Variants in ZC3HC1 observed in about 807,000 individuals in gnomAD.
ZC3HC1 encodes zinc finger C3HC-type containing 1, also known as zinc finger C3HC-type protein 1.
Under a neutral mutation model 61.9 loss-of-function variants are expected in ZC3HC1, and 38 were observed. The observed-to-expected ratio is 0.61, with a 90% CI of 0.47 to 0.81. The LOEUF (loss-of-function observed/expected upper bound fraction) is 0.81. Ranked by LOEUF, ZC3HC1 falls within the 30% of genes least tolerant of loss-of-function variation. The probability of loss-of-function intolerance (pLI) is 0.00; values close to 1 mark genes in which losing one functional copy is unlikely to be tolerated. For missense variants in ZC3HC1, 554 were observed against 622.7 expected, an observed-to-expected ratio of 0.89 and a Z score of 1.17; for synonymous variants, 213 against 229.9, an observed-to-expected ratio of 0.93 and a Z score of 0.67.
chr7:130,048,143 GTTTTTTTTTTTTT>G (rs11364921), intron 2 of ZC3HC1, among the ~76,000 whole-genome samples: 7 of 73,748 alleles, frequency 9.5e-5, no homozygotes, highest in Non-Finnish European at 1.2e-4. Flanking sequence ...TTTCCTAGTT[GTTTTTTTTTTTTT>G]TTTTTTTTTT....
chr7:130,050,703 C>T (rs1243413479), intron 1 of ZC3HC1, among the ~76,000 whole-genome samples: 1 of 152,136 alleles, frequency 6.6e-6, no homozygotes. Flanking sequence ...GTGCTCATCA[C>T]TACTTCAAAA....
At position 130,023,412 on chromosome 7, in the gene ZC3HC1, T is replaced by G. The variant is rs1442331132; in HGVS notation, c.1233+99A>C. On this transcript the variant is annotated intron_variant, in intron 8 of 9. Transcript: ENST00000358303. This position sits in a 1 kb window ranked among gnomAD's most constrained non-coding sequence, Gnocchi z 4.2. ...TATTCACATGGTCTACTTTTTGCAT[T>G]GGACCACGGAAGGGCTCCTGCCTGC... The G allele has an allele frequency of 8.6e-7, 1 of 1,168,400 alleles. No homozygotes were observed. 72.4% of individuals were successfully genotyped at this position (1,168,400 alleles called of 1,614,324 possible).
chr7:130,022,757 G>A (rs1584839173), intron 8 of ZC3HC1, among the ~76,000 whole-genome samples: 1 of 152,176 alleles, frequency 6.6e-6, no homozygotes, highest in East Asian at 1.9e-4. Flanking sequence ...CCAACCCCCA[G>A]GCCATGGATG....
rs1584601102 is a variant in ZC3HC1, at chr7:130,049,583, T to C, written c.147-439A>G. On this transcript the variant is annotated intron_variant, in intron 1 of 9. Coordinates refer to ENST00000358303, the MANE Select transcript of ZC3HC1 (RefSeq NM_016478.5). ...TTTTTGAGATGGAGTCTCGCTCTGT[T>C]GCCCAGGCTGGAGTGCAACGGTGCG... 1.3e-5 allele frequency among the ~76,000 whole-genome samples: 2 copies of C among 152,134 alleles called. 1 individual carries two copies. Among genetic ancestry groups the C allele is most frequent in the South Asian group, 4.2e-4 (2 of 4,816 alleles).
At position 130,023,511 on chromosome 7, in the gene ZC3HC1, C is replaced by A. The variant is rs760152931; in HGVS notation, c.1233G>T (p.Ser411=). 5.0e-6 allele frequency: 8 copies of A among 1,613,882 alleles called. No individual in the cohort carries two copies. The South Asian group carries it at 8.8e-5, about 18-fold the overall frequency. ...ACTGCTACATGCGAGGTGGACTCAC[C>A]GAACTGCTGGAGGAGCAGAGGCGAG... ...KRARLCSSSS[S]DTSSRSFFDP... is the part of the protein sequence containing the mutation. The change falls in exon 8 of 10, where the codon TCG becomes TCT. Residue 411 remains serine (S), a splice_region_variant and synonymous_variant. Coordinates refer to ENST00000358303, the MANE Select transcript of ZC3HC1 (RefSeq NM_016478.5). The surrounding 1 kb of genome is among the most constrained non-coding windows in gnomAD (Gnocchi z 4.2).
At position 130,024,287 on chromosome 7, in the gene ZC3HC1, G is replaced by A; in HGVS notation, c.996C>T (p.Ala332=). ...CCTGCTCTGAGCCTGGGGAGAAAGTGGCATCCTGGCTCCGGGTCATCATCC... is the reference window on the plus strand; with the variant it reads ...CCTGCTCTGAGCCTGGGGAGAAAGTAGCATCCTGGCTCCGGGTCATCATCC... ...PRRMMTRSQD[A]TFSPGSEQAE... The change falls in exon 7 of 10, where the codon GCC becomes GCT. Residue 332 remains alanine, a synonymous_variant. Coordinates refer to ENST00000358303, the MANE Select transcript of ZC3HC1 (RefSeq NM_016478.5). The A allele has an allele frequency of 1.2e-6, 2 of 1,611,458 alleles. No homozygotes were observed. Among genetic ancestry groups the A allele is most frequent in the Non-Finnish European group, 1.7e-6 (2 of 1,178,226 alleles).
At chr7:130,021,251 A>C (rs1793631603) in intron 9 of ZC3HC1, among the ~76,000 whole-genome samples, 1 of 152,160 alleles carries the variant, frequency 6.6e-6, no homozygotes, top group Non-Finnish European at 1.5e-5. Flanking sequence ...CTCCAGTGGA[A>C]TCCTGTAACC....
chr7:130,040,184 A>T (rs1794591164), intron 3 of ZC3HC1, among the ~76,000 whole-genome samples: 4 of 666 alleles, frequency 6.0e-3, no homozygotes, highest in East Asian at 0.5. Flanking sequence ...GCTTAGTTTA[A>T]AAAAAAAAAA....
intron 4 of ZC3HC1, among the ~76,000 whole-genome samples, chr7:130,038,837 G>A (rs985757762): frequency 7.2e-6 from 1 of 138,476 alleles, no homozygotes; most frequent in Non-Finnish European, 1.5e-5. Flanking sequence ...TGCAGCCTGG[G>A]TGAAAGAGCG....
At chr7:130,018,766 GT>G in intron 9 of ZC3HC1, 34 bp from the exon 10 acceptor site, 1 of 1,562,754 alleles carries the variant, frequency 6.4e-7, no homozygotes, top group Non-Finnish European at 8.8e-7. Flanking sequence ...TAGTGATTAC[GT>G]TCTTTTATAG....
At chr7:130,018,821 C>G (rs565176605) in intron 9 of ZC3HC1, 89 bp from the exon 10 acceptor site, 1 of 1,140,926 alleles carries the variant, frequency 8.8e-7, no homozygotes, top group African/African-American at 1.5e-5. Context: ...CTGGATATGT[C>G]TAGGACTAAG....
chr7:130,049,459 A>C (rs1036155823), intron 1 of ZC3HC1, among the ~76,000 whole-genome samples: 1 of 152,136 alleles, frequency 6.6e-6, no homozygotes, highest in Non-Finnish European at 1.5e-5. Context: ...ACTGTTCTCC[A>C]CAAGTATTTG....
At chr7:130,042,195 T>C (rs1794705192) in intron 2 of ZC3HC1, among the ~76,000 whole-genome samples, 1 of 150,562 alleles carries the variant, frequency 6.6e-6, no homozygotes, top group Non-Finnish European at 1.5e-5. Flanking sequence ...CTCAGCTAAT[T>C]GAGAGGCTGA....
At chr7:130,050,208 G>A (rs1392038570) in intron 1 of ZC3HC1, among the ~76,000 whole-genome samples, 2 of 152,264 alleles carry the variant, frequency 1.3e-5, no homozygotes, top group East Asian at 3.9e-4. Flanking sequence ...CTCCCGAGTA[G>A]CTGGGACTAC....
intron 3 of ZC3HC1, 122 bp from the exon 4 acceptor site, chr7:130,039,669 T>G (rs148549035): frequency 2.7e-5 from 18 of 666,012 alleles, no homozygotes; most frequent in Middle Eastern, 3.8e-4. Context: ...GAAAATATTA[T>G]CAAGTACATA....
intron 1 of ZC3HC1, chr7:130,050,545 A>C: frequency 7.2e-7 from 1 of 1,394,384 alleles, no homozygotes; most frequent in Non-Finnish European, 9.4e-7. Flanking sequence ...AATGACATTT[A>C]TTTCTCTCTA....
chr7:130,035,810 C>A (rs1484673747), intron 4 of ZC3HC1, among the ~76,000 whole-genome samples: 1 of 152,084 alleles, frequency 6.6e-6, no homozygotes, highest in Non-Finnish European at 1.5e-5. Context: ...GACTGTATTG[C>A]AGAATGTGGA....
At chr7:130,036,248 T>A (rs1173965730) in intron 4 of ZC3HC1, among the ~76,000 whole-genome samples, 2 of 152,050 alleles carry the variant, frequency 1.3e-5, no homozygotes, top group African/African-American at 4.8e-5. Context: ...CTGGGAGTGG[T>A]GGCTCACGCC....
intron 2 of ZC3HC1, among the ~76,000 whole-genome samples, chr7:130,046,750 T>C (rs998832883): frequency 6.6e-6 from 1 of 152,234 alleles, no homozygotes; most frequent in African/African-American, 2.4e-5. Flanking sequence ...TGCAATGTGA[T>C]AGCTGGTATG....
Sources: gnomAD v4.1 joint callset for allele counts (sites outside exome capture counted in the v4.1 genomes callset) on GRCh38, gnomAD v4.1.1 for gene constraint, Gnocchi (gnomAD v3.1) non-coding constraint, MANE v1.5 for transcripts, NCBI Gene and HGNC (gene_info 2026-07-23, HGNC 2026-07-21) for gene names.